Variants in KMT2C observed in about 807,000 individuals in gnomAD.
KMT2C encodes the protein histone-lysine N-methyltransferase 2C.
Under a neutral mutation model 507.9 loss-of-function variants are expected in KMT2C, and 88 were observed. That is an observed-to-expected ratio of 0.17 (90% CI 0.15 to 0.21). KMT2C has a LOEUF of 0.21. Among genes scored for constraint, KMT2C ranks in the 10% least tolerant of loss-of-function variants. The pLI is 1.00. For missense variants in KMT2C, 4,954 were observed against 5,957.8 expected, an observed-to-expected ratio of 0.83 and a Z score of 5.55; for synonymous variants, 2,049 against 2,080.8, an observed-to-expected ratio of 0.98 and a Z score of 0.42.
In KMT2C at chr7:152,148,249, G is replaced by A; in HGVS notation, c.13678C>T (p.Gln4560Ter). The change falls in exon 52 of 59, where the codon CAG (glutamine) becomes TAG (stop). Residue 4560 changes from glutamine (Q) to a stop codon, truncating the protein, a stop_gained. Coordinates refer to ENST00000262189, the MANE Select transcript of KMT2C (RefSeq NM_170606.3). LOFTEE classifies it high-confidence loss of function. The surrounding 1 kb of genome is among the most constrained non-coding windows in gnomAD (Gnocchi z 7.1). The stretch of plus-strand genomic sequence containing the variant: ...GCTTGCATCTGCTGTGGAAGCAGCT[G>A]ACCAATTGTGTGGAAGATGAGGCTA... ...VGSLIFHTIGQLLPQQMQAFH... is the reference protein window; with the variant it reads ...VGSLIFHTIG 6.2e-7 allele frequency: 1 copy of A among 1,614,240 alleles called. No homozygotes were observed. Among genetic ancestry groups the A allele is most frequent in the Non-Finnish European group, 8.5e-7 (1 of 1,180,044 alleles).
At chr7:152,332,607 A>T (rs901970275) in intron 2 of KMT2C, among the ~76,000 whole-genome samples, 30 of 152,262 alleles carry the variant, frequency 2.0e-4, no homozygotes, top group African/African-American at 7.0e-4. Flanking sequence ...GCACTTTGGG[A>T]GGCCAAGGTG....
At chr7:152,234,898 A>G (rs895769656) in intron 16 of KMT2C, among the ~76,000 whole-genome samples, 5 of 151,962 alleles carry the variant, frequency 3.3e-5, no homozygotes, top group East Asian at 3.9e-4. Context: ...AAAAAAGAAG[A>G]AAAAAAAGTG....
chr7:152,275,780 A>C (rs1287699504), intron 6 of KMT2C, among the ~76,000 whole-genome samples: 1 of 152,210 alleles, frequency 6.6e-6, no homozygotes, highest in African/African-American at 2.4e-5. Context: ...AAGTACAATC[A>C]ATCTGTTGAA....
intron 1 of KMT2C, among the ~76,000 whole-genome samples, chr7:152,401,868 T>C (rs2097576519): frequency 6.6e-6 from 1 of 152,312 alleles, no homozygotes; most frequent in Non-Finnish European, 1.5e-5. Flanking sequence ...CCCAGCACTC[T>C]GGGAGGCTGA....
chr7:152,272,468 ATATT>A (rs1289895997), intron 7 of KMT2C, among the ~76,000 whole-genome samples: 1 of 152,202 alleles, frequency 6.6e-6, no homozygotes, highest in Non-Finnish European at 1.5e-5. Flanking sequence ...ATGACAAAGT[ATATT>A]TATTATGCCA....
At chr7:152,336,662 G>C (rs988131629) in intron 2 of KMT2C, among the ~76,000 whole-genome samples, 1 of 152,172 alleles carries the variant, frequency 6.6e-6, no homozygotes, top group Non-Finnish European at 1.5e-5. Flanking sequence ...ACTTTGCAGA[G>C]TTTTTGCCTT....
intron 1 of KMT2C, chr7:152,368,217 G>C: frequency 1.1e-6 from 1 of 894,766 alleles, no homozygotes; most frequent in Non-Finnish European, 1.9e-6. Context: ...GAAATATGCT[G>C]ATAAAAACAC....
intron 41 of KMT2C, among the ~76,000 whole-genome samples, chr7:152,168,526 C>T (rs910259222): frequency 4.6e-5 from 7 of 152,078 alleles, no homozygotes; most frequent in Non-Finnish European, 8.8e-5. Context: ...GGCTTTTTCA[C>T]AAGATTTCAG....
At chr7:152,338,656 G>C (rs1243436139) in intron 2 of KMT2C, among the ~76,000 whole-genome samples, 1 of 152,162 alleles carries the variant, frequency 6.6e-6, no homozygotes, top group African/African-American at 2.4e-5. Context: ...AAATCTGAAA[G>C]TTAATTACAA....
At chr7:152,332,917 T>G (rs141182236) in intron 2 of KMT2C, among the ~76,000 whole-genome samples, 1 of 149,702 alleles carries the variant, frequency 6.7e-6, no homozygotes, top group Admixed American at 6.6e-5. Flanking sequence ...ACACCACCAA[T>G]AGACCAACGG....
intron 2 of KMT2C, 54 bp downstream of exon 2, chr7:152,358,533 C>A (rs2129231275): frequency 1.7e-5 from 19 of 1,120,076 alleles, no homozygotes; most frequent in Non-Finnish European, 2.2e-5. Flanking sequence ...ATGCAGTGTA[C>A]AAACATATGC....
rs776081469 is a variant in KMT2C, at chr7:152,176,178, A to G, written c.9262+13T>C. The G allele has an allele frequency of 6.3e-7, 1 of 1,575,464 alleles. No individual in the cohort carries two copies. Among genetic ancestry groups the G allele is most frequent in the Non-Finnish European group, 8.6e-7 (1 of 1,161,824 alleles). ...CCATAGTAATATACGTTGAGACTCA[A>G]GAAAACTCCTACCAATATTAGGGAA... On this transcript the variant is annotated intron_variant, in intron 38 of 58. Coordinates refer to ENST00000262189, the MANE Select transcript of KMT2C (RefSeq NM_170606.3).
intron 3 of KMT2C, among the ~76,000 whole-genome samples, chr7:152,330,169 T>TGGGGGGGGGGGGGGGGGG (rs376494504): frequency 2.4e-5 from 1 of 41,010 alleles, no homozygotes; most frequent in Non-Finnish European, 4.2e-5. Context: ...GGAGGGGTGG[T>TGGGGGGGGGGGGGGGGGG]GGGGGGGGGG....
chr7:152,391,131 G>T (rs1458028392), intron 1 of KMT2C, among the ~76,000 whole-genome samples: 2 of 77,810 alleles, frequency 2.6e-5, no homozygotes, highest in Admixed American at 2.1e-4. Flanking sequence ...GCGACAGAGT[G>T]AGACTGTCTC....
At chr7:152,245,501 A>G (rs111548547) in intron 14 of KMT2C, among the ~76,000 whole-genome samples, 1 of 152,100 alleles carries the variant, frequency 6.6e-6, no homozygotes. Flanking sequence ...TTGTTTTTTT[A>G]AAGTGTAACT....
intron 1 of KMT2C, among the ~76,000 whole-genome samples, chr7:152,401,162 T>G (rs2097570297): frequency 6.6e-6 from 1 of 151,318 alleles, no homozygotes; most frequent in Non-Finnish European, 1.5e-5. Context: ...CTCGGCTCAC[T>G]GCAACCTCCG....
In KMT2C at chr7:152,426,241, T is replaced by G. The variant is rs537699754; in HGVS notation, c.161+9385A>C. On this transcript the variant is annotated intron_variant, in intron 1 of 58. Coordinates refer to ENST00000262189, the MANE Select transcript of KMT2C (RefSeq NM_170606.3). ...TATTTTATGTCATAGTTTTTTTTTT[T>G]TTTTTTTTTTTTGGGAGATAGGGTC... Among the ~76,000 whole-genome samples the G allele has an allele frequency of 1.2e-4, 17 of 147,186 alleles. No individual in the cohort carries two copies. The South Asian group carries it at 1.3e-3, about 11-fold the overall frequency.
intron 6 of KMT2C, among the ~76,000 whole-genome samples, chr7:152,300,671 T>A (rs564798009): frequency 6.6e-6 from 1 of 152,284 alleles, no homozygotes; most frequent in South Asian, 2.1e-4. Context: ...ATCCCATGAG[T>A]CCTTCTAGCA....
chr7:152,361,899 G>A (rs1342753855), intron 1 of KMT2C, among the ~76,000 whole-genome samples: 1 of 152,162 alleles, frequency 6.6e-6, no homozygotes, highest in African/African-American at 2.4e-5. Context: ...GAAACTGATA[G>A]ATGAAACATT....
Sources: allele counts gnomAD v4.1 joint callset (sites outside exome capture counted in the v4.1 genomes callset), GRCh38; gene constraint gnomAD v4.1.1; non-coding constraint Gnocchi (gnomAD v3.1); transcripts MANE v1.5; gene names NCBI Gene and HGNC (gene_info 2026-07-23, HGNC 2026-07-21).